FSIP1: variants seen among roughly 807,000 people sequenced by gnomAD.
FSIP1 encodes the protein fibrous sheath-interacting protein 1.
FSIP1 carries 65 observed loss-of-function variants against 60.9 expected under a neutral mutation model. The observed-to-expected ratio is 1.07, with a 90% CI of 0.87 to 1.31. The LOEUF (loss-of-function observed/expected upper bound fraction) is 1.31, where lower values mean the gene tolerates loss of function less well. FSIP1 is among the 40% of genes most tolerant of loss of function. The pLI, the probability that FSIP1 is intolerant of heterozygous loss-of-function variation, is 0.00. For missense variants in FSIP1, 675 were observed against 665.5 expected (o/e 1.01, Z -0.16); for synonymous variants, 209 against 221.2 (o/e 0.94, Z 0.49).
intron 6 of FSIP1, among the ~76,000 whole-genome samples, chr15:39,740,980 A>G (rs1896783032): frequency 6.6e-6 from 1 of 152,158 alleles, no homozygotes; most frequent in Non-Finnish European, 1.5e-5. Flanking sequence ...TTTTTTAACA[A>G]TCACGTAATT....
chr15:39,743,578 G>A (rs762789398), intron 5 of FSIP1, among the ~76,000 whole-genome samples: 1 of 152,076 alleles, frequency 6.6e-6, no homozygotes, highest in Non-Finnish European at 1.5e-5. Flanking sequence ...ACCAATGAAC[G>A]ATAAAACTAG....
intron 2 of FSIP1, among the ~76,000 whole-genome samples, chr15:39,772,088 G>T (rs1470622113): frequency 2.6e-5 from 4 of 152,168 alleles, no homozygotes; most frequent in Admixed American, 2.6e-4. Flanking sequence ...AGAGCAGAAG[G>T]TAATGAGGTA....
At chr15:39,604,258 A>T (rs1890745384) in intron 11 of FSIP1, among the ~76,000 whole-genome samples, 1 of 152,222 alleles carries the variant, frequency 6.6e-6, no homozygotes, top group African/African-American at 2.4e-5. Context: ...ACAAGCTTCC[A>T]GTTGATGCTG....
chr15:39,672,905 C>A (rs1319386847), intron 10 of FSIP1, among the ~76,000 whole-genome samples: 1 of 152,072 alleles, frequency 6.6e-6, no homozygotes, highest in Non-Finnish European at 1.5e-5. Context: ...AAACTCATGG[C>A]ATGCTCAATA....
intron 11 of FSIP1, 69 bp from the exon 12 acceptor site, chr15:39,600,995 T>G (rs541711332): frequency 1.2e-4 from 149 of 1,228,814 alleles, no homozygotes; most frequent in Admixed American, 2.1e-4. Context: ...GAAAAACAAC[T>G]CAGCCTATAA....
intron 10 of FSIP1, among the ~76,000 whole-genome samples, chr15:39,660,405 G>T (rs538732881): frequency 6.6e-6 from 1 of 152,210 alleles, no homozygotes; most frequent in African/African-American, 2.4e-5. Context: ...TATCAGAAAA[G>T]GGTAGGGGGA....
At chr15:39,768,629 T>C (rs1161918534) in intron 3 of FSIP1, among the ~76,000 whole-genome samples, 2 of 152,220 alleles carry the variant, frequency 1.3e-5, no homozygotes, top group African/African-American at 4.8e-5. Context: ...TGTAATCTGT[T>C]GTTTTGGCTA....
At chr15:39,713,397 C>T in intron 10 of FSIP1, 47 bp downstream of exon 10, 3 of 1,536,484 alleles carry the variant, frequency 2.0e-6, no homozygotes, top group Non-Finnish European at 1.8e-6. Flanking sequence ...TGAGAACCTG[C>T]CTCTATTTTT....
intron 8 of FSIP1, among the ~76,000 whole-genome samples, chr15:39,732,903 AAC>A (rs933771790): frequency 2.6e-5 from 4 of 152,160 alleles, no homozygotes; most frequent in African/African-American, 9.7e-5. Flanking sequence ...AGTTTTCCTA[AAC>A]TTTTCCTGCG....
At chr15:39,718,471 T>A (rs1895833867) in intron 9 of FSIP1, among the ~76,000 whole-genome samples, 1 of 150,182 alleles carries the variant, frequency 6.7e-6, no homozygotes, top group East Asian at 2.0e-4. Context: ...AAACATGTTA[T>A]CAATTTCATA....
chr15:39,640,475 T>C (rs541734580), intron 10 of FSIP1, among the ~76,000 whole-genome samples: 4 of 152,276 alleles, frequency 2.6e-5, no homozygotes, highest in South Asian at 2.1e-4. Flanking sequence ...ACATGAACCA[T>C]CTAATTCAAC....
rs574635562 is a variant in FSIP1 at position 39,771,218 on chromosome 15, T to A, written c.127-608A>T. The stretch of plus-strand genomic sequence containing the variant: ...TGGCCGGGTGAGGGAAAAGCAGGGA[T>A]CATAGGCCCTGGGGTTTGTAAACTG... On this transcript the variant is annotated intron_variant, in intron 2 of 11. Transcript: ENST00000350221. Among the ~76,000 whole-genome samples, 12 of 152,238 alleles carry A rather than the reference T, an allele frequency of 7.9e-5. No individual in the cohort carries two copies. The East Asian group carries it at 2.1e-3, about 27-fold the overall frequency.
At position 39,763,912 on chromosome 15, in the gene FSIP1, A is replaced by G. The variant is rs1176934326; in HGVS notation, c.468T>C (p.Ser156=). ...TTTGCCAAGCTTCACTATATTTTGC[A>G]GACTAATGAAAGGAAAATTAAAATT... ...MRIKLWEEIK[S]AKYSEAWQSK... Residue 156 remains serine, a splice_region_variant and synonymous_variant, in exon 5 of 12, where the codon TCT becomes TCC. Coordinates refer to ENST00000350221, the MANE Select transcript of FSIP1 (RefSeq NM_152597.5). The G allele has an allele frequency of 1.8e-5, 27 of 1,530,300 alleles. No homozygotes were observed. In the Middle Eastern group the frequency reaches 1.2e-3, roughly 68 times the overall value. The allele number at this position is 1,530,300 out of a possible 1,614,324, so 94.8% of individuals were successfully genotyped here.
intron 7 of FSIP1, among the ~76,000 whole-genome samples, chr15:39,739,035 G>A (rs1290778568): frequency 6.6e-6 from 1 of 152,204 alleles, no homozygotes; most frequent in Non-Finnish European, 1.5e-5. Context: ...TACATTTCTT[G>A]TTGTAAATTA....
chr15:39,651,302 A>C (rs949155523), intron 10 of FSIP1, among the ~76,000 whole-genome samples: 3 of 152,252 alleles, frequency 2.0e-5, no homozygotes, highest in Admixed American at 2.0e-4. Flanking sequence ...GATGAATGTC[A>C]AAACAATCTC....
chr15:39,761,489 A>C (rs1346682833), intron 5 of FSIP1, among the ~76,000 whole-genome samples: 1 of 152,236 alleles, frequency 6.6e-6, no homozygotes, highest in African/African-American at 2.4e-5. Context: ...CAAATACTAC[A>C]TGTTCCCATT....
rs555779389 is a variant in FSIP1 at position 39,662,747 on chromosome 15, C to T, written c.1189-44502G>A. Among the ~76,000 whole-genome samples, 16 of 151,204 alleles carry T rather than the reference C, an allele frequency of 1.1e-4. No individual in the cohort carries two copies. In the East Asian group the frequency reaches 1.4e-3, roughly 13 times the overall value. On this transcript the variant is annotated intron_variant, in intron 10 of 11. Coordinates refer to ENST00000350221, the MANE Select transcript of FSIP1 (RefSeq NM_152597.5). ...AAAAAAAAAAAGACTATAATTAATG[C>T]TTTGTATTAACTTTAAAAGAAAGTC...
intron 1 of FSIP1, among the ~76,000 whole-genome samples, chr15:39,776,904 T>C (rs543993228): frequency 6.6e-6 from 1 of 152,268 alleles, no homozygotes; most frequent in African/African-American, 2.4e-5. Flanking sequence ...TTCATCTTAA[T>C]GATTTGCTAA....
At chr15:39,715,727 T>G (rs746119568) in intron 9 of FSIP1, among the ~76,000 whole-genome samples, 1 of 152,166 alleles carries the variant, frequency 6.6e-6, no homozygotes, top group Non-Finnish European at 1.5e-5. Context: ...TGGCGCCTGG[T>G]GGGAGGTGAT....
Sources: allele counts gnomAD v4.1 joint callset (sites outside exome capture counted in the v4.1 genomes callset), GRCh38; gene constraint gnomAD v4.1.1; transcripts MANE v1.5; gene names NCBI Gene and HGNC (gene_info 2026-07-23, HGNC 2026-07-21).